CNTNAP4: variants seen among roughly 807,000 people sequenced by gnomAD.
The protein encoded by CNTNAP4 is contactin-associated protein-like 4.
A neutral mutation model predicts 148.4 loss-of-function variants in CNTNAP4; 98 were observed. The observed-to-expected ratio is 0.66, with a 90% CI of 0.56 to 0.78. The LOEUF (loss-of-function observed/expected upper bound fraction) is 0.78, where lower values mean the gene tolerates loss of function less well. CNTNAP4 is among the 30% of genes least tolerant of loss of function. The pLI, the probability that CNTNAP4 is intolerant of heterozygous loss-of-function variation, is 0.00. For missense variants in CNTNAP4, 1,935 were observed against 1,565.6 expected, an observed-to-expected ratio of 1.24 and a Z score of -3.98; for synonymous variants, 730 against 565.1, an observed-to-expected ratio of 1.29 and a Z score of -4.14.
intron 10 of CNTNAP4, among the ~76,000 whole-genome samples, chr16:76,470,805 C>G (rs2081342496): frequency 6.6e-6 from 1 of 152,076 alleles, no homozygotes; most frequent in Middle Eastern, 3.2e-3. Flanking sequence ...CAAATACACA[C>G]ACATGCTCAC....
At chr16:76,368,616 G>C (rs1190889528) in intron 3 of CNTNAP4, among the ~76,000 whole-genome samples, 1 of 152,038 alleles carries the variant, frequency 6.6e-6, no homozygotes, top group East Asian at 1.9e-4. Flanking sequence ...AGTGGGAGTT[G>C]AACAATGAGA....
intron 3 of CNTNAP4, among the ~76,000 whole-genome samples, chr16:76,424,389 C>G (rs904133512): frequency 6.6e-6 from 1 of 152,100 alleles, no homozygotes; most frequent in African/African-American, 2.4e-5. Context: ...GAAATAGAAT[C>G]AAAAGTATAA....
At chr16:76,334,567 GC>G (rs1401931743) in intron 2 of CNTNAP4, among the ~76,000 whole-genome samples, 1 of 152,012 alleles carries the variant, frequency 6.6e-6, no homozygotes, top group African/African-American at 2.4e-5. Flanking sequence ...CACAAAATGT[GC>G]TTTTTAATAA....
intron 10 of CNTNAP4, among the ~76,000 whole-genome samples, chr16:76,475,667 G>A (rs1374077251): frequency 1.3e-5 from 2 of 152,020 alleles, no homozygotes; most frequent in South Asian, 2.1e-4. Context: ...TATTGAATTC[G>A]TGTTATGTCA....
intron 3 of CNTNAP4, among the ~76,000 whole-genome samples, chr16:76,403,757 T>C (rs1179825970): frequency 6.6e-6 from 1 of 152,162 alleles, no homozygotes; most frequent in Non-Finnish European, 1.5e-5. Context: ...AAATGTTTAT[T>C]GCAGCACTAG....
At chr16:76,410,387 A>C (rs1296587515) in intron 3 of CNTNAP4, among the ~76,000 whole-genome samples, 1 of 151,758 alleles carries the variant, frequency 6.6e-6, no homozygotes, top group Non-Finnish European at 1.5e-5. Context: ...AAAGCCTTCA[A>C]GCTTTCTCTG....
chr16:76,500,538 A>T (rs1256308887), intron 15 of CNTNAP4, among the ~76,000 whole-genome samples: 1 of 152,104 alleles, frequency 6.6e-6, no homozygotes, highest in Non-Finnish European at 1.5e-5. Context: ...GCCTGGGATG[A>T]AATTAGAATG....
intron 3 of CNTNAP4, among the ~76,000 whole-genome samples, chr16:76,422,070 C>G (rs1201174159): frequency 1.3e-5 from 2 of 152,130 alleles, no homozygotes; most frequent in African/African-American, 4.8e-5. Context: ...TTTAGAATCA[C>G]TTTGGAAATA....
At chr16:76,463,181 C>T (rs1238510542) in intron 9 of CNTNAP4, among the ~76,000 whole-genome samples, 1 of 152,068 alleles carries the variant, frequency 6.6e-6, no homozygotes, top group Non-Finnish European at 1.5e-5. Context: ...TATGGCAATC[C>T]ATAGTAACAC....
chr16:76,384,198 C>G (rs1336002412), intron 3 of CNTNAP4, among the ~76,000 whole-genome samples: 2 of 151,966 alleles, frequency 1.3e-5, no homozygotes, highest in Non-Finnish European at 2.9e-5. Context: ...CATGCACCAC[C>G]ATGCCTGGCT....
intron 3 of CNTNAP4, among the ~76,000 whole-genome samples, chr16:76,359,166 G>T (rs970598200): frequency 6.6e-6 from 1 of 152,078 alleles, no homozygotes; most frequent in African/African-American, 2.4e-5. Flanking sequence ...TTTTACAAAT[G>T]TGTATTTCCC....
intron 3 of CNTNAP4, among the ~76,000 whole-genome samples, chr16:76,417,778 G>A (rs1421347845): frequency 6.6e-6 from 1 of 151,496 alleles, no homozygotes; most frequent in African/African-American, 2.4e-5. Flanking sequence ...TTCTTATAGG[G>A]AAGGAATGCT....
At chr16:76,504,993 C>A (rs1477026131) in intron 15 of CNTNAP4, among the ~76,000 whole-genome samples, 4 of 152,034 alleles carry the variant, frequency 2.6e-5, no homozygotes, top group Non-Finnish European at 5.9e-5. Context: ...TTTAGAGCAA[C>A]TAGAACTCTG....
chr16:76,369,469 G>A (rs1270532965), intron 3 of CNTNAP4, among the ~76,000 whole-genome samples: 1 of 152,160 alleles, frequency 6.6e-6, no homozygotes, highest in Non-Finnish European at 1.5e-5. Flanking sequence ...AAAGCTGGTG[G>A]TCTAATTTAG....
At chr16:76,376,246 G>A (rs1438173717) in intron 3 of CNTNAP4, among the ~76,000 whole-genome samples, 5 of 152,174 alleles carry the variant, frequency 3.3e-5, no homozygotes, top group African/African-American at 9.7e-5. Flanking sequence ...CAGCAATTCA[G>A]CTAAAAGGTG....
chr16:76,437,491 C>T (rs1161743877), intron 4 of CNTNAP4, among the ~76,000 whole-genome samples: 3 of 152,104 alleles, frequency 2.0e-5, no homozygotes, highest in Admixed American at 2.0e-4. Flanking sequence ...TGAAGAGGCT[C>T]TCACTGACCA....
At chr16:76,436,933 TAGTC>T (rs2079849177) in intron 4 of CNTNAP4, among the ~76,000 whole-genome samples, 1 of 148,470 alleles carries the variant, frequency 6.7e-6, no homozygotes, top group Non-Finnish European at 1.5e-5. Flanking sequence ...AAATCTGTAT[TAGTC>T]AGTATTAATC....
At chr16:76,363,552 G>A (rs544527835) in intron 3 of CNTNAP4, among the ~76,000 whole-genome samples, 11 of 152,050 alleles carry the variant, frequency 7.2e-5, no homozygotes, top group Admixed American at 3.3e-4. Flanking sequence ...AGAAAAAAAC[G>A]TACAGAAACA....
At chr16:76,502,429 G>C (rs2082688225) in intron 15 of CNTNAP4, among the ~76,000 whole-genome samples, 1 of 149,574 alleles carries the variant, frequency 6.7e-6, no homozygotes, top group Non-Finnish European at 1.5e-5. Context: ...AGGACTAACA[G>C]ATAGAGGATC....
Sources: gnomAD v4.1 joint callset for allele counts (sites outside exome capture counted in the v4.1 genomes callset) on GRCh38, gnomAD v4.1.1 for gene constraint, MANE v1.5 for transcripts, NCBI Gene and HGNC (gene_info 2026-07-23, HGNC 2026-07-21) for gene names.